Variants in IPO8 observed in about 807,000 individuals in gnomAD.
IPO8 encodes the protein importin-8.
In IPO8, 65 loss-of-function variants were observed where a neutral mutation model predicts 141.2. The observed-to-expected ratio is 0.46, with a 90% CI of 0.38 to 0.57. IPO8 has a LOEUF of 0.57. Among genes scored for constraint, IPO8 ranks in the 20% least tolerant of loss-of-function variants. The pLI is 0.00. For missense variants in IPO8, 980 were observed against 1,246.8 expected, an observed-to-expected ratio of 0.79 and a Z score of 3.22; for synonymous variants, 411 against 420.3, an observed-to-expected ratio of 0.98 and a Z score of 0.27.
At chr12:30,649,703 A>T (rs1440297473) in intron 19 of IPO8, among the ~76,000 whole-genome samples, 1 of 152,122 alleles carries the variant, frequency 6.6e-6, no homozygotes, top group Non-Finnish European at 1.5e-5. Flanking sequence ...TGGACATTGT[A>T]ACCATTTATA....
At chr12:30,667,706 A>T (rs1290854963) in intron 10 of IPO8, among the ~76,000 whole-genome samples, 1 of 152,236 alleles carries the variant, frequency 6.6e-6, no homozygotes, top group Non-Finnish European at 1.5e-5. Context: ...GCTTTTAAAC[A>T]ATAAAATGTA....
chr12:30,654,642 G>A (rs2052773657), intron 17 of IPO8, among the ~76,000 whole-genome samples: 1 of 151,936 alleles, frequency 6.6e-6, no homozygotes. Flanking sequence ...AATCATCAGG[G>A]AAATGCAAAT....
At chr12:30,649,538 A>C (rs2052696520) in intron 19 of IPO8, among the ~76,000 whole-genome samples, 1 of 152,148 alleles carries the variant, frequency 6.6e-6, no homozygotes, top group Middle Eastern at 3.2e-3. Context: ...ATCAAAACCA[A>C]AACAAAATAA....
chr12:30,634,851 C>T (rs1023427455), intron 22 of IPO8, among the ~76,000 whole-genome samples: 4 of 152,160 alleles, frequency 2.6e-5, no homozygotes, highest in South Asian at 2.1e-4. Flanking sequence ...TAAATCAATA[C>T]GTAGAACAGA....
At chr12:30,688,958 G>A (rs747132437) in intron 2 of IPO8, among the ~76,000 whole-genome samples, 24 of 151,838 alleles carry the variant, frequency 1.6e-4, no homozygotes, top group Non-Finnish European at 1.8e-4. Flanking sequence ...GACAATAAGC[G>A]AAATGTCCAT....
At chr12:30,646,539 A>C (rs1015188396) in intron 20 of IPO8, among the ~76,000 whole-genome samples, 1 of 152,220 alleles carries the variant, frequency 6.6e-6, no homozygotes, top group African/African-American at 2.4e-5. Context: ...CAAACTGGAA[A>C]GGTAAAACTC....
chr12:30,687,614 G>A, intron 2 of IPO8, among the ~76,000 whole-genome samples: 1 of 151,890 alleles, frequency 6.6e-6, no homozygotes, highest in Non-Finnish European at 1.5e-5. Context: ...GGCTAGATTA[G>A]ACAACAAATG....
At chr12:30,672,920 G>A (rs2053071115) in intron 8 of IPO8, among the ~76,000 whole-genome samples, 1 of 151,764 alleles carries the variant, frequency 6.6e-6, no homozygotes, top group Non-Finnish European at 1.5e-5. Flanking sequence ...CAGGTTCTAA[G>A]TACTTAACAT....
intron 20 of IPO8, among the ~76,000 whole-genome samples, chr12:30,646,060 A>AAAGAAAGT (rs1283416585): frequency 1.3e-5 from 2 of 152,208 alleles, no homozygotes; most frequent in African/African-American, 4.8e-5. Context: ...CATCACAAGA[A>AAAGAAAGT]AAGAAAGTTA....
intron 2 of IPO8, among the ~76,000 whole-genome samples, chr12:30,687,982 A>G (rs1011913283): frequency 1.3e-5 from 2 of 152,106 alleles, no homozygotes; most frequent in African/African-American, 4.8e-5. Context: ...CAGGTCTAAT[A>G]CCTCTCAACC....
chr12:30,678,114 G>A (rs1236026153), intron 5 of IPO8, among the ~76,000 whole-genome samples: 1 of 133,976 alleles, frequency 7.5e-6, no homozygotes, highest in Non-Finnish European at 1.6e-5. Flanking sequence ...GACAGAGGGA[G>A]ACTCCATCTC....
At chr12:30,682,066 TA>T (rs1017811921) in intron 3 of IPO8, among the ~76,000 whole-genome samples, 1 of 152,246 alleles carries the variant, frequency 6.6e-6, no homozygotes, top group African/African-American at 2.4e-5. Context: ...AAATACAGTT[TA>T]AAAAAATTGT....
At chr12:30,646,098 C>T (rs2052642578) in intron 20 of IPO8, among the ~76,000 whole-genome samples, 1 of 152,158 alleles carries the variant, frequency 6.6e-6, no homozygotes, top group South Asian at 2.1e-4. Flanking sequence ...TGCACATAGA[C>T]ACAAAAATAC....
At chr12:30,678,762 G>A (rs565005779) in intron 5 of IPO8, among the ~76,000 whole-genome samples, 2 of 152,280 alleles carry the variant, frequency 1.3e-5, no homozygotes, top group African/African-American at 4.8e-5. Context: ...AGTAGGCTGA[G>A]GGTTAGGCTG....
In IPO8 at chr12:30,684,459, T is replaced by G. The variant is rs2053220087; in HGVS notation, c.167-2A>C. On this transcript the variant is annotated splice_acceptor_variant, in intron 2 of 24. Coordinates refer to ENST00000256079, the MANE Select transcript of IPO8 (RefSeq NM_006390.4). LOFTEE classifies it high-confidence loss of function. ...CCATGTTCTTCAGGTAAATGGCAGC[T>G]GAGTTTGAGAAAAAATGCTAATGTA... 6.2e-7 allele frequency: 1 copy of G among 1,612,970 alleles called. No individual in the cohort carries two copies. The highest frequency in any genetic ancestry group is 1.3e-5 in the African/African-American group (1 of 74,834).
intron 17 of IPO8, among the ~76,000 whole-genome samples, chr12:30,654,338 C>A (rs1030357879): frequency 6.6e-6 from 1 of 150,688 alleles, no homozygotes; most frequent in East Asian, 1.9e-4. Flanking sequence ...GAGGATATGA[C>A]CCCAAAGCAC....
intron 6 of IPO8, among the ~76,000 whole-genome samples, 191 bp downstream of exon 6, chr12:30,676,307 C>G (rs2053119866): frequency 6.6e-6 from 1 of 152,130 alleles, no homozygotes; most frequent in South Asian, 2.1e-4. Context: ...GTTTTAAAAA[C>G]AGTTTTCATT....
chr12:30,676,643 A>T lies in IPO8; in HGVS notation c.640-56T>A, dbSNP rs2053124246. ...ATTCCTCCCATCCAAAAAAATCAGC[A>T]ATTTTATCTATATTGTAAGGCTAAA... On this transcript the variant is annotated intron_variant, in intron 5 of 24. Transcript: ENST00000256079. The T allele has an allele frequency of 2.4e-6, 3 of 1,240,564 alleles. No individual in the cohort carries two copies. In the Admixed American group the frequency reaches 5.1e-5, roughly 21 times the overall value. 76.8% of individuals were successfully genotyped at this position (1,240,564 alleles called of 1,614,324 possible).
At chr12:30,671,409 C>G (rs1452799800) in intron 8 of IPO8, among the ~76,000 whole-genome samples, 1 of 152,134 alleles carries the variant, frequency 6.6e-6, no homozygotes. Flanking sequence ...CACGGTGGCT[C>G]AAGCCTGTAA....
Sources: gnomAD v4.1 joint callset for allele counts (sites outside exome capture counted in the v4.1 genomes callset) on GRCh38, gnomAD v4.1.1 for gene constraint, MANE v1.5 for transcripts, NCBI Gene and HGNC (gene_info 2026-07-23, HGNC 2026-07-21) for gene names.